SUN2: variants seen among roughly 807,000 people sequenced by gnomAD.
SUN2 encodes SUN domain-containing protein 2.
SUN2 carries 60 observed loss-of-function variants against 100.0 expected under a neutral mutation model. That is an observed-to-expected ratio of 0.60 (90% CI 0.49 to 0.74). The LOEUF is 0.74. SUN2 is among the 30% of genes least tolerant of loss of function. The pLI is 0.00. For missense variants in SUN2, 834 were observed against 954.6 expected, an observed-to-expected ratio of 0.87 and a Z score of 1.66; for synonymous variants, 367 against 403.3, an observed-to-expected ratio of 0.91 and a Z score of 1.08.
chr22:38,738,110 G>A lies in SUN2; in HGVS notation c.2040+63C>T. On this transcript the variant is annotated intron_variant, in intron 17 of 17. Transcript: ENST00000689035. The surrounding 1 kb of genome is among the most constrained non-coding windows in gnomAD (Gnocchi z 6.6). Reference sequence around the variant, plus strand: ...CATGCCTGGCAGGGTAAGTGCCCAGGGAGCACCTGCTGCCTGGATGGGGAG... The same window carrying A: ...CATGCCTGGCAGGGTAAGTGCCCAGAGAGCACCTGCTGCCTGGATGGGGAG... 1.4e-6 allele frequency: 2 copies of A among 1,475,272 alleles called. No homozygotes were observed. The highest frequency in any genetic ancestry group is 1.9e-6 in the Non-Finnish European group (2 of 1,053,960). The allele number at this position is 1,475,272 out of a possible 1,614,324, so 91.4% of individuals were successfully genotyped here. A position where few individuals can be genotyped will look rare whatever the true frequency, so the allele number is the denominator to read the frequency against.
chr22:38,749,825 G>A lies in SUN2; in HGVS notation c.555C>T (p.Gly185=). 2 of 1,613,964 alleles carry A rather than the reference G, an allele frequency of 1.2e-6. No homozygotes were observed. The highest frequency in any genetic ancestry group is 1.7e-6 in the Non-Finnish European group (2 of 1,179,980). ...RLFRLLYWWA[G]TTWYRLTTAA... ...CTGTGGTCAGGCGGTACCAGGTGGT[G>A]CCAGCCCACCAGTAGAGAAGTCTGA... Residue 185 remains glycine, a synonymous_variant, in exon 6 of 18, where the codon GGC becomes GGT. Coordinates refer to ENST00000689035, the MANE Select transcript of SUN2 (RefSeq NM_015374.3).
Position 38,737,333 on chromosome 22 carries a change from A to C in SUN2, c.2040+840T>G, listed in dbSNP as rs1603212038. 6.7e-6 allele frequency among the ~76,000 whole-genome samples: 1 copy of C among 148,986 alleles called. No individual in the cohort carries two copies. The highest frequency in any genetic ancestry group is 6.7e-5 in the Admixed American group (1 of 15,010). ...CCCATCGCAGTGGCTTCTTCCTCCC[A>C]CCCCATCCAACTGGACATTCACGAC... On this transcript the variant is annotated intron_variant, in intron 17 of 17. Coordinates refer to ENST00000689035, the MANE Select transcript of SUN2 (RefSeq NM_015374.3). This position sits in a 1 kb window ranked among gnomAD's most constrained non-coding sequence, Gnocchi z 4.1.
Position 38,735,273 on chromosome 22 carries a change from G to C in SUN2, c.*994C>G, listed in dbSNP as rs935523946. 3 of 455,392 alleles carry C rather than the reference G, an allele frequency of 6.6e-6. No homozygotes were observed. Among genetic ancestry groups the C allele is most frequent in the Non-Finnish European group, 1.3e-5 (3 of 226,574 alleles). 28.2% of individuals were successfully genotyped at this position (455,392 alleles called of 1,614,324 possible). A position where few individuals can be genotyped will look rare whatever the true frequency, so the allele number is the denominator to read the frequency against. On this transcript the variant is annotated 3_prime_UTR_variant, in exon 18 of 18. Transcript: ENST00000689035. ...TGAACAAGAGCTGCAAGAGCCCAAG[G>C]GGGCAGCCTGAGCGGACGACCCCTA...
Position 38,735,452 on chromosome 22 carries a change from A to G in SUN2, c.*815T>C, listed in dbSNP as rs941012434. On this transcript the variant is annotated 3_prime_UTR_variant, in exon 18 of 18. Transcript: ENST00000689035. ...GCCCCAAAGACAGGTCTAGGTCTCC[A>G]TACCCTGGGAGAATGTGGAAAGCAA... 9 of 310,220 alleles carry G rather than the reference A, an allele frequency of 2.9e-5. No homozygotes were observed. Among genetic ancestry groups the G allele is most frequent in the Middle Eastern group, 1.2e-3 (1 of 832 alleles). 19.2% of individuals were successfully genotyped at this position (310,220 alleles called of 1,614,324 possible). A position where few individuals can be genotyped will look rare whatever the true frequency, so the allele number is the denominator to read the frequency against.
At chr22:38,753,722 AGGTAG>A (rs2146106415) in intron 1 of SUN2, among the ~76,000 whole-genome samples, 1 of 152,254 alleles carries the variant, frequency 6.6e-6, no homozygotes, top group African/African-American at 2.4e-5. Flanking sequence ...ATTAGAAGCA[AGGTAG>A]GTATCATTAC....
intron 9 of SUN2, 106 bp downstream of exon 9, chr22:38,742,195 A>C: frequency 1.4e-6 from 2 of 1,397,928 alleles, no homozygotes; most frequent in Non-Finnish European, 1.9e-6. Flanking sequence ...GCAAAATGGC[A>C]GAGCTGTCTG....
chr22:38,752,773 CCCCCCGG>C (rs374981864), intron 1 of SUN2, 108 bp from the exon 2 acceptor site: 37 of 1,280,790 alleles, frequency 2.9e-5, no homozygotes, highest in Middle Eastern at 2.5e-4. Flanking sequence ...AACAGACCAC[CCCCCCGG>C]CCCCCGGCCC....
In SUN2 at chr22:38,738,146, T is replaced by C; in HGVS notation, c.2040+27A>G. 6.2e-7 allele frequency: 1 copy of C among 1,609,576 alleles called. No homozygotes were observed. The highest frequency in any genetic ancestry group is 1.1e-5 in the South Asian group (1 of 91,004). Reference sequence around the variant, plus strand: ...TGCCTGGATGGGGAGTCTGCGCCACTTCTGCTAGCACAGCAGCATCCCGTA... The same window carrying C: ...TGCCTGGATGGGGAGTCTGCGCCACCTCTGCTAGCACAGCAGCATCCCGTA... On this transcript the variant is annotated intron_variant, in intron 17 of 17. Transcript: ENST00000689035. This position sits in a 1 kb window ranked among gnomAD's most constrained non-coding sequence, Gnocchi z 6.6.
At position 38,739,484 on chromosome 22, in the gene SUN2, C is replaced by T. The variant is rs2092835931; in HGVS notation, c.1579-58G>A. The T allele has an allele frequency of 2.5e-6, 4 of 1,589,996 alleles. No individual in the cohort carries two copies. In the South Asian group the frequency reaches 3.3e-5, roughly 13 times the overall value. ...AGGGAGCAGACGTGTCCCCCTGTCA[C>T]CTCGTGGCCGTGGGCCAAGGACCCA... On this transcript the variant is annotated intron_variant, in intron 13 of 17. Transcript: ENST00000689035. The surrounding 1 kb of genome is among the most constrained non-coding windows in gnomAD (Gnocchi z 6.7).
chr22:38,754,914 C>T, intron 1 of SUN2: 4 of 1,289,326 alleles, frequency 3.1e-6, no homozygotes, highest in Non-Finnish European at 4.0e-6. Flanking sequence ...GTCTGGGTTT[C>T]ACAAGATGAA....
Position 38,739,422 on chromosome 22 carries a change from AC to A in SUN2, c.1582del (p.Val528CysfsTer5). The part of the protein sequence containing the change: ...EGVIGVTEEQ[V>X]HHIVKQALQR... ...CAGGGCCTGCTTCACGATGTGGTGC[AC>A]CTGCTGCAATGCAGGCACCAGGAGA... On this transcript the variant is annotated frameshift_variant, in exon 14 of 18. Coordinates refer to ENST00000689035, the MANE Select transcript of SUN2 (RefSeq NM_015374.3). LOFTEE classifies it high-confidence loss of function. This position sits in a 1 kb window ranked among gnomAD's most constrained non-coding sequence, Gnocchi z 6.7. 6.2e-7 allele frequency: 1 copy of A among 1,612,964 alleles called. No homozygotes were observed. Among genetic ancestry groups the A allele is most frequent in the Non-Finnish European group, 8.5e-7 (1 of 1,179,978 alleles).
In SUN2 at chr22:38,755,854, G is replaced by A. The variant is rs892998922; in HGVS notation, c.-129C>T. ...CCCTTTCCGCGTGGGGATCCCGCGGGCGGCGCTCCGCTCAGGGCGACACAG... is the reference window on the plus strand; with the variant it reads ...CCCTTTCCGCGTGGGGATCCCGCGGACGGCGCTCCGCTCAGGGCGACACAG... On this transcript the variant is annotated 5_prime_UTR_variant, in exon 1 of 18. Transcript: ENST00000689035. The surrounding 1 kb of genome is among the most constrained non-coding windows in gnomAD (Gnocchi z 5.7). 7.6e-5 allele frequency: 75 copies of A among 982,482 alleles called. No individual in the cohort carries two copies. The highest frequency in any genetic ancestry group is 8.6e-5 in the Non-Finnish European group (71 of 828,818). The allele number at this position is 982,482 out of a possible 1,614,324, so 60.9% of individuals were successfully genotyped here. A position where few individuals can be genotyped will look rare whatever the true frequency, so the allele number is the denominator to read the frequency against.
Position 38,740,065 on chromosome 22 carries a change from G to T in SUN2, c.1357-122C>A. Reference sequence around the variant, plus strand: ...GTAGGAGGGAGGCCACTGGAGGAAAGAGTTATGAACACTCCATGGGCACTA... The same window carrying T: ...GTAGGAGGGAGGCCACTGGAGGAAATAGTTATGAACACTCCATGGGCACTA... On this transcript the variant is annotated intron_variant, in intron 12 of 17. Transcript: ENST00000689035. The surrounding 1 kb of genome is among the most constrained non-coding windows in gnomAD (Gnocchi z 4.8). The T allele has an allele frequency of 7.8e-7, 1 of 1,285,486 alleles. No individual in the cohort carries two copies. Among genetic ancestry groups the T allele is most frequent in the Non-Finnish European group, 1.1e-6 (1 of 937,720 alleles). The allele number at this position is 1,285,486 out of a possible 1,614,324, so 79.6% of individuals were successfully genotyped here.
Position 38,735,731 on chromosome 22 carries a change from AGGT to A in SUN2, c.*533_*535del, listed in dbSNP as rs2092799374. Reference sequence around the variant, plus strand: ...GGGACCCTGTGGTTCATGCTTCCCTAGGTGGAGGGCACTAACCTTGTAGGAGAG... The same window carrying A: ...GGGACCCTGTGGTTCATGCTTCCCTAGGAGGGCACTAACCTTGTAGGAGAG... On this transcript the variant is annotated 3_prime_UTR_variant, in exon 18 of 18. Coordinates refer to ENST00000689035, the MANE Select transcript of SUN2 (RefSeq NM_015374.3). 6.2e-6 allele frequency: 1 copy of A among 162,266 alleles called. No individual in the cohort carries two copies. Among genetic ancestry groups the A allele is most frequent in the African/African-American group, 2.4e-5 (1 of 41,554 alleles). 10.1% of individuals were successfully genotyped at this position (162,266 alleles called of 1,614,324 possible). A position where few individuals can be genotyped will look rare whatever the true frequency, so the allele number is the denominator to read the frequency against.
Position 38,739,061 on chromosome 22 carries a change from C to T in SUN2, c.1664-73G>A, listed in dbSNP as rs1005641734. On this transcript the variant is annotated intron_variant, in intron 14 of 17. Transcript: ENST00000689035. This position sits in a 1 kb window ranked among gnomAD's most constrained non-coding sequence, Gnocchi z 6.7. ...CCCCGCTCAGGCCATTGGCTGTCTC[C>T]TCGCTGAAGGTGGACGGCAGATGCC... is the stretch of plus-strand genomic sequence containing the variant. 2.8e-6 allele frequency: 4 copies of T among 1,446,912 alleles called. No individual in the cohort carries two copies. In the African/African-American group the frequency reaches 5.6e-5, roughly 20 times the overall value. 89.6% of individuals were successfully genotyped at this position (1,446,912 alleles called of 1,614,324 possible). A position where few individuals can be genotyped will look rare whatever the true frequency, so the allele number is the denominator to read the frequency against.
intron 10 of SUN2, 140 bp downstream of exon 10, chr22:38,741,350 TCAAA>T (rs2092856130): frequency 8.2e-6 from 7 of 849,552 alleles, no homozygotes; most frequent in South Asian, 6.4e-5. Flanking sequence ...GGGTCGGGGG[TCAAA>T]CAGAGAAGTC....
rs2092830070 is a variant in SUN2 at position 38,738,869 on chromosome 22, C to T, written c.1779+4G>A. On this transcript the variant is annotated splice_donor_region_variant and intron_variant, in intron 15 of 17. Transcript: ENST00000689035. This position sits in a 1 kb window ranked among gnomAD's most constrained non-coding sequence, Gnocchi z 6.6. ...CCCCGCTGCTGTGCTTGCCAGGTGC[C>T]CACCTGGAGGATGACTCGGGGTGAC... 1 of 1,600,208 alleles carries T rather than the reference C, an allele frequency of 6.2e-7. No homozygotes were observed. Among genetic ancestry groups the T allele is most frequent in the Admixed American group, 1.7e-5 (1 of 59,290 alleles).
chr22:38,751,338 A>C lies in SUN2; in HGVS notation c.158T>G (p.Leu53Arg), dbSNP rs746563502. ...LKRKSSNMKR[L>R]SPAPQLGPSS... is the part of the protein sequence containing the mutation. ...CGGGCCCAGCTGTGGCGCTGGGGAC[A>C]GGCGCTTCATGTTGCTGGATTTCCT... is the stretch of plus-strand genomic sequence containing the variant. The change falls in exon 3 of 18, where the codon CTG (leucine) becomes CGG (arginine). Residue 53 changes from leucine (L) to arginine (R), a missense_variant. Around this residue, in one of 3 missense-constraint regions of SUN2, gnomAD observed 559 missense variants for 597.7 expected, o/e 0.94. Coordinates refer to ENST00000689035, the MANE Select transcript of SUN2 (RefSeq NM_015374.3). 6.2e-7 allele frequency: 1 copy of C among 1,614,006 alleles called. No homozygotes were observed. Among genetic ancestry groups the C allele is most frequent in the East Asian group, 2.2e-5 (1 of 44,880 alleles).
intron 8 of SUN2, chr22:38,745,074 G>A (rs946812045): frequency 8.5e-6 from 4 of 471,184 alleles, no homozygotes; most frequent in Admixed American, 4.7e-5. Flanking sequence ...AATGTGGCGG[G>A]AGTGACGGTG....
Sources: allele counts gnomAD v4.1 joint callset (sites outside exome capture counted in the v4.1 genomes callset), GRCh38; gene constraint gnomAD v4.1.1; regional missense constraint gnomAD v4.1.1; non-coding constraint Gnocchi (gnomAD v3.1); transcripts MANE v1.5; gene names NCBI Gene and HGNC (gene_info 2026-07-23, HGNC 2026-07-21).